The following DIXDC1 variants were observed in gnomAD, a reference collection of about 807,000 sequenced individuals.
DIXDC1 encodes dixin.
A neutral mutation model predicts 103.1 loss-of-function variants in DIXDC1; 64 were observed. The observed-to-expected ratio is 0.62, with a 90% CI of 0.51 to 0.76. The LOEUF is 0.76. Among genes scored for constraint, DIXDC1 ranks in the 30% least tolerant of loss-of-function variants. DIXDC1 has a pLI of 0.00. For missense variants in DIXDC1, 759 were observed against 834.2 expected (o/e 0.91, Z 1.11); for synonymous variants, 266 against 298.5 (o/e 0.89, Z 1.12).
At position 111,982,453 on chromosome 11, in the gene DIXDC1, T is replaced by A. The variant is rs782129786; in HGVS notation, c.884T>A (p.Met295Lys). Residue 295 changes from methionine (M) to lysine (K), a missense_variant, in exon 7 of 20, where the codon ATG becomes AAG. By Grantham distance (95) the Met-to-Lys change is moderately conservative. Coordinates refer to ENST00000440460, the MANE Select transcript of DIXDC1 (RefSeq NM_001037954.4). Reference protein sequence around the residue: ...LEQQEYLEKEMEEAKKMISGL... With the variant: ...LEQQEYLEKEKEEAKKMISGL... ...CAACAAGAATATTTAGAAAAAGAAA[T>A]GGAGGAAGCAAAGAAAATGATATCA... The A allele has an allele frequency of 6.2e-7, 1 of 1,613,462 alleles. No homozygotes were observed. Among genetic ancestry groups the A allele is most frequent in the Non-Finnish European group, 8.5e-7 (1 of 1,179,692 alleles).
At chr11:111,996,806 C>T (rs587636652) in intron 17 of DIXDC1, among the ~76,000 whole-genome samples, 280 of 152,270 alleles carry the variant, frequency 1.8e-3, no homozygotes, top group African/African-American at 6.4e-3. Flanking sequence ...ACCCAGATTG[C>T]GCCATTGCAC....
intron 3 of DIXDC1, among the ~76,000 whole-genome samples, chr11:111,970,027 A>G (rs1555171913): frequency 1.3e-5 from 2 of 152,290 alleles, no homozygotes; most frequent in South Asian, 2.1e-4. Context: ...AAGTTTCAGG[A>G]TATAAAATCA....
At chr11:112,011,004 A>G (rs1454016123) in intron 17 of DIXDC1, among the ~76,000 whole-genome samples, 2 of 152,232 alleles carry the variant, frequency 1.3e-5, no homozygotes, top group Non-Finnish European at 2.9e-5. Context: ...CTATCATCAG[A>G]GTGAACAGGC....
In DIXDC1 at chr11:111,958,112, G is replaced by T. The variant is rs587610101; in HGVS notation, c.61-6437G>T. Among the ~76,000 whole-genome samples the T allele has an allele frequency of 6.8e-6, 1 of 147,544 alleles. No individual in the cohort carries two copies. The highest frequency in any genetic ancestry group is 1.5e-5 in the Non-Finnish European group (1 of 66,524). On this transcript the variant is annotated intron_variant, in intron 1 of 19. Transcript: ENST00000440460. This position sits in a 1 kb window ranked among gnomAD's most constrained non-coding sequence, Gnocchi z 4.2. ...AGGCAGGAGCCCCACCCTCCTGGGCGCAGCTGCAGTCACCAGAGCCCTAGC... is the reference window on the plus strand; with the variant it reads ...AGGCAGGAGCCCCACCCTCCTGGGCTCAGCTGCAGTCACCAGAGCCCTAGC...
At chr11:111,945,976 G>C (rs997963385) in intron 1 of DIXDC1, among the ~76,000 whole-genome samples, 1 of 135,820 alleles carries the variant, frequency 7.4e-6, no homozygotes, top group Non-Finnish European at 1.5e-5. Flanking sequence ...TCGTTCTGTC[G>C]CTCAGGCTGA....
chr11:111,994,464 T>C (rs1860812798), intron 14 of DIXDC1, among the ~76,000 whole-genome samples: 1 of 151,256 alleles, frequency 6.6e-6, no homozygotes, highest in African/African-American at 2.4e-5. Flanking sequence ...TACACACATA[T>C]ACACATATAT....
chr11:111,939,607 T>C (rs1966350917), intron 1 of DIXDC1, among the ~76,000 whole-genome samples: 1 of 152,206 alleles, frequency 6.6e-6, no homozygotes, highest in Non-Finnish European at 1.5e-5. Flanking sequence ...TCTGAAAAAT[T>C]GACATCATCT....
intron 17 of DIXDC1, chr11:112,015,484 AC>A: frequency 6.6e-6 from 1 of 152,312 alleles, no homozygotes; most frequent in Non-Finnish European, 1.5e-5. Flanking sequence ...AAGGACTTAT[AC>A]TTTTCCAAAA....
At chr11:111,945,175 C>G (rs999443810) in intron 1 of DIXDC1, among the ~76,000 whole-genome samples, 4 of 152,236 alleles carry the variant, frequency 2.6e-5, no homozygotes, top group Non-Finnish European at 4.4e-5. Context: ...TGCCTCTTGT[C>G]TGCTTCTTTC....
upstream of DIXDC1, among the ~76,000 whole-genome samples, chr11:111,937,015 ATG>A (rs782375854): frequency 4.8e-4 from 61 of 127,368 alleles, no homozygotes; most frequent in Admixed American, 1.1e-3. Flanking sequence ...GTATGTGTGT[ATG>A]TGTGTGTGTG....
At position 111,976,080 on chromosome 11, in the gene DIXDC1, G is replaced by A. The variant is rs1476751307; in HGVS notation, c.656+1097G>A. ...GAAGACATCTTCATCACCCCAAAAG[G>A]AAGCCCTGCGCCCATTAAGCAGCAG... is the stretch of plus-strand genomic sequence containing the variant. On this transcript the variant is annotated intron_variant, in intron 5 of 19. Coordinates refer to ENST00000440460, the MANE Select transcript of DIXDC1 (RefSeq NM_001037954.4). This position sits in a 1 kb window ranked among gnomAD's most constrained non-coding sequence, Gnocchi z 4.3. 4.1e-6 allele frequency: 1 copy of A among 242,786 alleles called. No individual in the cohort carries two copies. The highest frequency in any genetic ancestry group is 2.3e-5 in the African/African-American group (1 of 43,128). The allele number at this position is 242,786 out of a possible 1,614,324, so 15.0% of individuals were successfully genotyped here. A position where few individuals can be genotyped will look rare whatever the true frequency, so the allele number is the denominator to read the frequency against.
upstream of DIXDC1, among the ~76,000 whole-genome samples, chr11:111,932,898 C>T (rs1966076533): frequency 6.6e-6 from 1 of 152,194 alleles, no homozygotes. Flanking sequence ...CAAGTTTTTG[C>T]TAAAAGAATA....
chr11:112,019,266 G>T lies in DIXDC1; in HGVS notation c.*230G>T, dbSNP rs183067289. 2.5e-6 allele frequency: 1 copy of T among 398,770 alleles called. No homozygotes were observed. The highest frequency in any genetic ancestry group is 4.0e-5 in the East Asian group (1 of 24,968). The allele number at this position is 398,770 out of a possible 1,614,324, so 24.7% of individuals were successfully genotyped here. On this transcript the variant is annotated 3_prime_UTR_variant, in exon 20 of 20. Coordinates refer to ENST00000440460, the MANE Select transcript of DIXDC1 (RefSeq NM_001037954.4). ...TGGGTTCATCTGGAGTTCCTTGTCCGTGGGAACACAGTGTTCTATTCTACT... is the reference window on the plus strand; with the variant it reads ...TGGGTTCATCTGGAGTTCCTTGTCCTTGGGAACACAGTGTTCTATTCTACT...
chr11:111,974,379 T>G, intron 4 of DIXDC1, 125 bp downstream of exon 4: 3 of 917,412 alleles, frequency 3.3e-6, no homozygotes, highest in Non-Finnish European at 4.8e-6. Context: ...GAACATGGAG[T>G]GGGGAGGTAG....
At chr11:111,963,917 A>C (rs1202873583) in intron 1 of DIXDC1, among the ~76,000 whole-genome samples, 4 of 150,260 alleles carry the variant, frequency 2.7e-5, no homozygotes, top group Non-Finnish European at 5.9e-5. Context: ...CGGTAACCAG[A>C]TCCTCTTTGA....
At chr11:111,990,210 C>A in intron 10 of DIXDC1, among the ~76,000 whole-genome samples, 1 of 151,976 alleles carries the variant, frequency 6.6e-6, no homozygotes, top group Non-Finnish European at 1.5e-5. Flanking sequence ...CCTGCCTCAG[C>A]CTCCCGAGTA....
At chr11:111,947,873 C>T (rs1966650582) in intron 1 of DIXDC1, among the ~76,000 whole-genome samples, 1 of 152,122 alleles carries the variant, frequency 6.6e-6, no homozygotes, top group Non-Finnish European at 1.5e-5. Context: ...TACATGAAGG[C>T]CAGGTATGGT....
chr11:111,937,244 C>G, upstream of DIXDC1: 1 of 1,227,686 alleles, frequency 8.1e-7, no homozygotes, highest in Non-Finnish European at 1.0e-6. Context: ...GGCAGCGCCG[C>G]TCAACCTAGT....
Position 111,995,090 on chromosome 11 carries a change from T to G in DIXDC1, c.1509T>G (p.Thr503=). Residue 503 remains threonine (T), a synonymous_variant, in exon 15 of 20, where the codon ACT becomes ACG. Transcript: ENST00000440460. ...TTCCAACGGCAGGAAAAGGAGCTAC[T>G]TCAGTCAGCAACAGAGGGGTACGTA... is the stretch of plus-strand genomic sequence containing the variant. ...FLLPTAGKGA[T]SVSNRGTSDL... 6.2e-7 allele frequency: 1 copy of G among 1,613,724 alleles called. No homozygotes were observed. The highest frequency in any genetic ancestry group is 8.5e-7 in the Non-Finnish European group (1 of 1,179,896).
Sources: allele counts gnomAD v4.1 joint callset (sites outside exome capture counted in the v4.1 genomes callset), GRCh38; gene constraint gnomAD v4.1.1; non-coding constraint Gnocchi (gnomAD v3.1); transcripts MANE v1.5; gene names NCBI Gene and HGNC (gene_info 2026-07-23, HGNC 2026-07-21).